The following OPCML variants were observed in gnomAD, a reference collection of about 807,000 sequenced individuals.
OPCML encodes the protein opioid binding protein/cell adhesion molecule like.
OPCML carries 13 observed loss-of-function variants against 37.8 expected under a neutral mutation model. That is an observed-to-expected ratio of 0.34 (90% confidence interval 0.22 to 0.55). OPCML has a LOEUF of 0.55. Among genes scored for constraint, OPCML ranks in the 20% least tolerant of loss-of-function variants. The probability of loss-of-function intolerance (pLI) is 0.91; values close to 1 mark genes in which losing one functional copy is unlikely to be tolerated. For synonymous variants in OPCML, 176 were observed against 168.8 expected (o/e 1.04, Z -0.33); for missense variants, 341 against 435.6 (o/e 0.78, Z 1.93).
chr11:133,055,407 G>A (rs75105255), intron 1 of OPCML, among the ~76,000 whole-genome samples: 12 of 139,102 alleles, frequency 8.6e-5, no homozygotes, highest in Non-Finnish European at 1.4e-4. Context: ...TGAGGGAGAC[G>A]CCTCTACCGT....
chr11:133,039,250 G>A (rs1471408333), intron 1 of OPCML, among the ~76,000 whole-genome samples: 29 of 152,162 alleles, frequency 1.9e-4, no homozygotes. Context: ...TCTGTATGCT[G>A]CAGCAGGAGC....
intron 2 of OPCML, among the ~76,000 whole-genome samples, chr11:132,813,314 C>A (rs889994913): frequency 3.3e-5 from 5 of 152,098 alleles, no homozygotes; most frequent in Admixed American, 1.3e-4. Context: ...GTCTTTACAG[C>A]GATAATTAGA....
rs57658806 is a variant in OPCML at position 133,204,868 on chromosome 11, G to GTATATATATATA, written c.62-261870_62-261859dup. Among the ~76,000 whole-genome samples, 160 of 117,136 alleles carry GTATATATATATA rather than the reference G, an allele frequency of 1.4e-3. 1 individual carries two copies. Among genetic ancestry groups the GTATATATATATA allele is most frequent in the South Asian group, 2.6e-3 (8 of 3,066 alleles). The allele number at this position is 117,136 out of a possible 152,430, so 76.8% of individuals were successfully genotyped here. A position where few individuals can be genotyped will look rare whatever the true frequency, so the allele number is the denominator to read the frequency against. On this transcript the variant is annotated intron_variant, in intron 1 of 7. Coordinates refer to ENST00000524381, the MANE Select transcript of OPCML (RefSeq NM_001012393.5). Reference sequence around the variant, plus strand: ...TGATCTATTATATATATATATATGTGTATATATATATATATATATATATAT... The same window carrying GTATATATATATA: ...TGATCTATTATATATATATATATGTGTATATATATATATATATATATATATATATATATATAT...
intron 1 of OPCML, among the ~76,000 whole-genome samples, chr11:133,294,791 T>TC (rs1443532294): frequency 6.8e-6 from 1 of 146,900 alleles, no homozygotes; most frequent in Non-Finnish European, 1.5e-5. Flanking sequence ...AACTTTCTTT[T>TC]TTTTTTTCTT....
chr11:133,044,290 C>T (rs1204966171), intron 1 of OPCML, among the ~76,000 whole-genome samples: 2 of 151,990 alleles, frequency 1.3e-5, no homozygotes, highest in South Asian at 2.1e-4. Flanking sequence ...TGTAGAGATT[C>T]GAGGCAAAGG....
intron 1 of OPCML, among the ~76,000 whole-genome samples, chr11:133,345,882 G>A (rs1274828256): frequency 6.6e-6 from 1 of 152,100 alleles, no homozygotes; most frequent in Non-Finnish European, 1.5e-5. Flanking sequence ...CTCTTAAGGT[G>A]TGGTGGCTGC....
intron 3 of OPCML, among the ~76,000 whole-genome samples, chr11:132,624,970 C>T (rs1327590677): frequency 6.6e-6 from 1 of 152,110 alleles, no homozygotes; most frequent in Non-Finnish European, 1.5e-5. Context: ...TTTCTGGCAA[C>T]TGTACCCCCA....
chr11:133,484,146 G>GATAGATAGATA (rs1947476435), intron 1 of OPCML, among the ~76,000 whole-genome samples: 1 of 125,242 alleles, frequency 8.0e-6, no homozygotes, highest in African/African-American at 3.4e-5. Flanking sequence ...GATGATAGAT[G>GATAGATAGATA]GATAGATAGA....
At chr11:133,514,686 A>G (rs1045338988) in intron 1 of OPCML, among the ~76,000 whole-genome samples, 2 of 152,196 alleles carry the variant, frequency 1.3e-5, no homozygotes. Context: ...CTATTGCCAT[A>G]ACTGTACGTA....
At chr11:132,548,693 A>C (rs1308374869) in intron 3 of OPCML, among the ~76,000 whole-genome samples, 2 of 152,152 alleles carry the variant, frequency 1.3e-5, no homozygotes, top group Non-Finnish European at 2.9e-5. Flanking sequence ...ACTCCCAAAA[A>C]CCAAGTGAAC....
At chr11:132,432,553 T>C (rs927721134) in intron 7 of OPCML, among the ~76,000 whole-genome samples, 1 of 152,204 alleles carries the variant, frequency 6.6e-6, no homozygotes, top group Non-Finnish European at 1.5e-5. Flanking sequence ...GTGAGACACA[T>C]ACCCCTTCCT....
rs11828281 is a variant in OPCML, at chr11:132,873,626, A to G, written c.146+69300T>C. Among the ~76,000 whole-genome samples, 1,415 of 152,106 alleles carry G rather than the reference A, an allele frequency of 9.3e-3. 23 individuals carry two copies. Among genetic ancestry groups the G allele is most frequent in the African/African-American group, 0.033 (1,355 of 41,488 alleles). ...GAAAGACAACAGAAGAGGAGTAAAG[A>G]GGAATAAAGCTAATATGAAGAAAGT... On this transcript the variant is annotated intron_variant, in intron 2 of 7. Transcript: ENST00000524381.
At chr11:132,946,074 G>A (rs1365849790) in intron 1 of OPCML, among the ~76,000 whole-genome samples, 3 of 152,142 alleles carry the variant, frequency 2.0e-5, no homozygotes, top group Non-Finnish European at 2.9e-5. Context: ...GAGCCACTGC[G>A]CCCGGCCTAC....
chr11:133,504,910 C>T (rs1947994295), intron 1 of OPCML, among the ~76,000 whole-genome samples: 1 of 152,180 alleles, frequency 6.6e-6, no homozygotes, highest in Non-Finnish European at 1.5e-5. Context: ...TAGTCCAAAC[C>T]ATTAAAATAC....
chr11:132,449,800 C>A (rs1173077971), intron 4 of OPCML, among the ~76,000 whole-genome samples: 2 of 152,174 alleles, frequency 1.3e-5, no homozygotes, highest in African/African-American at 4.8e-5. Context: ...TCTTTATCTG[C>A]AAAACGAGGG....
intron 1 of OPCML, among the ~76,000 whole-genome samples, chr11:133,425,566 G>A (rs1945984834): frequency 6.6e-6 from 1 of 152,162 alleles, no homozygotes; most frequent in African/African-American, 2.4e-5. Flanking sequence ...GCCTTAGCAT[G>A]TAATAGCTCC....
At chr11:132,770,844 C>A (rs569415284) in intron 2 of OPCML, among the ~76,000 whole-genome samples, 1 of 152,108 alleles carries the variant, frequency 6.6e-6, no homozygotes, top group Non-Finnish European at 1.5e-5. Flanking sequence ...CAGTGACTGA[C>A]GCAATAGGAA....
intron 1 of OPCML, among the ~76,000 whole-genome samples, chr11:133,414,838 G>A (rs1317377202): frequency 6.6e-6 from 1 of 152,098 alleles, no homozygotes; most frequent in Non-Finnish European, 1.5e-5. Flanking sequence ...CTTGCTGGCT[G>A]TGACATCCTG....
Position 132,563,487 on chromosome 11 carries a change from T to G in OPCML, c.380-34301A>C, listed in dbSNP as rs539359748. Among the ~76,000 whole-genome samples, 3 of 152,070 alleles carry G rather than the reference T, an allele frequency of 2.0e-5. No individual in the cohort carries two copies. The South Asian group carries it at 6.2e-4, about 32-fold the overall frequency. ...GAGAAGCTCATTCATGGGAATGGGCTTTTGGACGGGCTGATGGAAATGTTT... is the reference window on the plus strand; with the variant it reads ...GAGAAGCTCATTCATGGGAATGGGCGTTTGGACGGGCTGATGGAAATGTTT... On this transcript the variant is annotated intron_variant, in intron 3 of 7. Coordinates refer to ENST00000524381, the MANE Select transcript of OPCML (RefSeq NM_001012393.5).
Sources: gnomAD v4.1 joint callset for allele counts (sites outside exome capture counted in the v4.1 genomes callset) on GRCh38, gnomAD v4.1.1 for gene constraint, MANE v1.5 for transcripts, NCBI Gene and HGNC (gene_info 2026-07-23, HGNC 2026-07-21) for gene names.